The following ATAD3B variants were observed in gnomAD, a reference collection of about 807,000 sequenced individuals.
The protein encoded by ATAD3B is ATPase family AAA domain containing 3B, also known as ATPase family AAA domain-containing protein 3B.
ATAD3B carries 59 observed loss-of-function variants against 70.2 expected under a neutral mutation model. The observed-to-expected ratio is 0.84, with a 90% CI of 0.68 to 1.04. The LOEUF is 1.04. Ranked by LOEUF, ATAD3B falls within the 50% of genes least tolerant of loss-of-function variation. The pLI is 0.00. For synonymous variants in ATAD3B, 423 were observed against 388.6 expected (o/e 1.09, Z -1.04); for missense variants, 961 against 913.4 (o/e 1.05, Z -0.67).
chr1:1,487,174 G>A (rs1316503399), intron 11 of ATAD3B, among the ~76,000 whole-genome samples: 2 of 152,060 alleles, frequency 1.3e-5, no homozygotes, highest in African/African-American at 2.4e-5. Flanking sequence ...CTCCCCTCTG[G>A]CCTTTGACCT....
At chr1:1,489,670 T>G (rs1012966686) in intron 13 of ATAD3B, 13 of 1,323,526 alleles carry the variant, frequency 9.8e-6, no homozygotes, top group Non-Finnish European at 1.3e-5. Flanking sequence ...TTGAGTTTTC[T>G]TGGTCTCCTG....
At chr1:1,489,930 C>A in intron 13 of ATAD3B, 1 of 1,238,962 alleles carries the variant, frequency 8.1e-7, no homozygotes. Flanking sequence ...GTCCCGCATC[C>A]CTGCTCCCAG....
chr1:1,496,359 C>A lies in ATAD3B; in HGVS notation c.*542C>A. On this transcript the variant is annotated 3_prime_UTR_variant, in exon 16 of 16. Coordinates refer to ENST00000673477, the MANE Select transcript of ATAD3B (RefSeq NM_031921.6). ...GCTTCACATCAGCCTCGCGCCACAT[C>A]CGAGTTGGGGTCTGAATGCTGCCCG... 1.5e-6 allele frequency: 1 copy of A among 661,454 alleles called. No homozygotes were observed. Among genetic ancestry groups the A allele is most frequent in the Non-Finnish European group, 1.9e-6 (1 of 533,534 alleles). The allele number at this position is 661,454 out of a possible 1,614,324, so 41.0% of individuals were successfully genotyped here. A position where few individuals can be genotyped will look rare whatever the true frequency, so the allele number is the denominator to read the frequency against.
chr1:1,486,430 T>G (rs1640220494), intron 10 of ATAD3B, 114 bp from the exon 11 acceptor site: 1 of 1,605,688 alleles, frequency 6.2e-7, no homozygotes, highest in Non-Finnish European at 8.5e-7. Flanking sequence ...TCTGGCAGGC[T>G]GTGGCTTCCA....
intron 1 of ATAD3B, among the ~76,000 whole-genome samples, chr1:1,476,195 G>C (rs35666103): frequency 0.066 from 9,234 of 139,776 alleles, 900 homozygotes; most frequent in East Asian, 0.37. Flanking sequence ...TTCCTGAAAT[G>C]TGACGCTGAT....
chr1:1,484,823 A>G lies in ATAD3B; in HGVS notation c.751-193A>G, dbSNP rs1336526925. The G allele has an allele frequency of 5.0e-6, 7 of 1,387,070 alleles. No homozygotes were observed. In the Admixed American group the frequency reaches 2.0e-4, roughly 40 times the overall value. 85.9% of individuals were successfully genotyped at this position (1,387,070 alleles called of 1,614,324 possible). A position where few individuals can be genotyped will look rare whatever the true frequency, so the allele number is the denominator to read the frequency against. ...AATGGCCCTGAGTGAGGGCGTTATG[A>G]CTGCCCCACCTGCCTCCTGTAACCG... On this transcript the variant is annotated intron_variant, in intron 7 of 15. Transcript: ENST00000673477.
chr1:1,477,379 C>T (rs1241591682), intron 2 of ATAD3B, 29 bp downstream of exon 2: 2 of 1,611,526 alleles, frequency 1.2e-6, no homozygotes, highest in Admixed American at 1.7e-5. Flanking sequence ...GGCGAGGAGG[C>T]CGGGGCGCAC....
intron 12 of ATAD3B, 74 bp downstream of exon 12, chr1:1,487,988 T>A (rs1477462875): frequency 3.2e-6 from 5 of 1,586,972 alleles, no homozygotes; most frequent in Non-Finnish European, 4.3e-6. Flanking sequence ...TGGGCCAGGC[T>A]GCAGCCCTTA....
chr1:1,499,927 C>A (rs1047303625), downstream of ATAD3B, among the ~76,000 whole-genome samples: 3 of 136,972 alleles, frequency 2.2e-5, no homozygotes, highest in African/African-American at 8.3e-5. Flanking sequence ...CAGAGTCTTG[C>A]TCTGTTGCCC....
chr1:1,498,328 G>T (rs1472740705), downstream of ATAD3B, among the ~76,000 whole-genome samples: 2 of 151,718 alleles, frequency 1.3e-5, no homozygotes, highest in Admixed American at 1.3e-4. Context: ...AATTAGCGGT[G>T]CCTGGTGGCA....
At position 1,490,320 on chromosome 1, in the gene ATAD3B, T is replaced by C. The variant is rs819980; in HGVS notation, c.1401T>C (p.Ile467=). 256,878 of 1,613,050 alleles carry C rather than the reference T, an allele frequency of 0.16. 48,811 individuals are homozygous for C. The highest frequency in any genetic ancestry group is 0.76 in the African/African-American group (56,668 of 74,978). ...TCGACTGTGCCATCAACAGCCGCAT[T>C]GACGTGATGGTCCACTTCGACCTGC... The part of the protein sequence containing the change: ...EQFDCAINSR[I]DVMVHFDLPQ... The change falls in exon 14 of 16, where the codon ATT becomes ATC. Residue 467 remains isoleucine (I), a synonymous_variant. Transcript: ENST00000673477.
chr1:1,473,000 A>G lies in ATAD3B; in HGVS notation c.205+911A>G, dbSNP rs144659221. On this transcript the variant is annotated intron_variant, in intron 1 of 15. Coordinates refer to ENST00000673477, the MANE Select transcript of ATAD3B (RefSeq NM_031921.6). ...ACCACGCCCGGCTAATTTTTTTTGT[A>G]TCTTTAGTAGAGACGGGTTTCACCA... Among the ~76,000 whole-genome samples, 30 of 150,628 alleles carry G rather than the reference A, an allele frequency of 2.0e-4. No homozygotes were observed. In the East Asian group the frequency reaches 4.3e-3, roughly 22 times the overall value.
At position 1,490,630 on chromosome 1, in the gene ATAD3B, A is replaced by G. The variant is rs145105333; in HGVS notation, c.1573A>G (p.Met525Val). 117 of 1,606,954 alleles carry G rather than the reference A, an allele frequency of 7.3e-5. No homozygotes were observed. The African/African-American group carries it at 1.4e-3, about 19-fold the overall frequency. ...CSEVARLTEG[M>V]SGREIAQLAV... ...GGAGGTCGCTCGGCTGACGGAGGGC[A>G]TGTCGGGCCGGGAGATCGCTCAGCT... The change falls in exon 15 of 16, where the codon ATG becomes GTG. Residue 525 changes from methionine (M) to valine (V), a missense_variant. By Grantham distance (21) the Met-to-Val change is conservative (BLOSUM62 1). Coordinates refer to ENST00000673477, the MANE Select transcript of ATAD3B (RefSeq NM_031921.6).
the ATAD3B span, chr1:1,509,237 G>A: frequency 1.2e-6 from 2 of 1,613,020 alleles, no homozygotes; most frequent in Non-Finnish European, 1.7e-6. Context: ...ACGGGGTCCT[G>A]ACCGAGGCCA....
intron 14 of ATAD3B, 51 bp downstream of exon 14, chr1:1,490,475 G>T: frequency 1.9e-6 from 3 of 1,611,230 alleles, no homozygotes; most frequent in South Asian, 1.1e-5. Context: ...TATGGCATGG[G>T]TGTAGGCCAG....
At chr1:1,499,121 G>C (rs991005841), downstream of ATAD3B, among the ~76,000 whole-genome samples, 5 of 151,770 alleles carry the variant, frequency 3.3e-5, no homozygotes, top group Non-Finnish European at 7.4e-5. Context: ...ACAGGTGCCC[G>C]CCACCACGCC....
intron 12 of ATAD3B, among the ~76,000 whole-genome samples, chr1:1,488,482 C>CGG (rs1179964077): frequency 1.3e-5 from 2 of 152,060 alleles, no homozygotes; most frequent in African/African-American, 4.8e-5. Context: ...CGGCCTTGGC[C>CGG]TGGCACAGTG....
intron 1 of ATAD3B, among the ~76,000 whole-genome samples, chr1:1,475,463 G>C (rs1447265567): frequency 6.6e-6 from 1 of 151,506 alleles, no homozygotes; most frequent in Non-Finnish European, 1.5e-5. Context: ...CGGGGTCGCC[G>C]AGATTCGCCC....
intron 1 of ATAD3B, among the ~76,000 whole-genome samples, chr1:1,475,722 C>T (rs537518196): frequency 1.3e-5 from 2 of 151,920 alleles, no homozygotes; most frequent in South Asian, 4.2e-4. Flanking sequence ...TGTGAATTCA[C>T]GCGCTGGGAC....
Sources: gnomAD v4.1 joint callset for allele counts (sites outside exome capture counted in the v4.1 genomes callset) on GRCh38, gnomAD v4.1.1 for gene constraint, MANE v1.5 for transcripts, NCBI Gene and HGNC (gene_info 2026-07-23, HGNC 2026-07-21) for gene names.